The following ITSN2 variants were observed in gnomAD, a reference collection of about 807,000 sequenced individuals.
The protein encoded by ITSN2 is intersectin-2.
In ITSN2, 156 loss-of-function variants were observed where a neutral mutation model predicts 243.7. That is an observed-to-expected ratio of 0.64 (90% CI 0.56 to 0.73). The LOEUF is 0.73. Among genes scored for constraint, ITSN2 ranks in the 30% least tolerant of loss-of-function variants. The pLI, the probability that ITSN2 is intolerant of heterozygous loss-of-function variation, is 0.00. For synonymous variants in ITSN2, 703 were observed against 699.9 expected (o/e 1.00, Z -0.07); for missense variants, 1,801 against 1,996.1 (o/e 0.90, Z 1.86).
chr2:24,303,451 C>T (rs1369776448), intron 9 of ITSN2, among the ~76,000 whole-genome samples: 1 of 152,146 alleles, frequency 6.6e-6, no homozygotes, highest in Non-Finnish European at 1.5e-5. Context: ...ATATAAATAT[C>T]TTTCTGTACA....
chr2:24,255,867 T>C (rs1401032681), intron 23 of ITSN2, among the ~76,000 whole-genome samples: 2 of 152,076 alleles, frequency 1.3e-5, no homozygotes. Context: ...CTGACCAACA[T>C]GGAGAAACCC....
chr2:24,286,125 A>G, intron 16 of ITSN2, 87 bp downstream of exon 16: 1 of 731,742 alleles, frequency 1.4e-6, no homozygotes, highest in South Asian at 2.0e-5. Flanking sequence ...AATACATATA[A>G]TAGCTTTAGC....
intron 18 of ITSN2, 124 bp from the exon 19 acceptor site, chr2:24,272,065 G>A (rs1240374035): frequency 5.7e-6 from 4 of 699,392 alleles, no homozygotes; most frequent in African/African-American, 1.8e-5. Flanking sequence ...TACAGGGGTG[G>A]GGAGAAACTG....
At chr2:24,221,873 A>G (rs1363362442) in intron 29 of ITSN2, among the ~76,000 whole-genome samples, 2 of 152,248 alleles carry the variant, frequency 1.3e-5, no homozygotes, top group East Asian at 3.9e-4. Flanking sequence ...ACATAATTCC[A>G]GAGTCACTTA....
Position 24,286,255 on chromosome 2 carries a change from G to T in ITSN2, c.1820C>A (p.Ala607Glu), listed in dbSNP as rs764027494. The part of the protein sequence containing the change: ...EQLDALEKET[A>E]SKLSEMDSFN... ...AGAATCCATTTCTGACAGCTTAGAT[G>T]CAGTTTCTTTTTCAAGAGCATCTAA... Residue 607 changes from alanine to glutamate, a missense_variant, in exon 16 of 40, where the codon GCA (alanine) becomes GAA (glutamate). Transcript: ENST00000355123. 25 of 1,602,806 alleles carry T rather than the reference G, an allele frequency of 1.6e-5. No homozygotes were observed. The highest frequency in any genetic ancestry group is 1.3e-5 in the African/African-American group (1 of 74,586).
intron 29 of ITSN2, among the ~76,000 whole-genome samples, chr2:24,229,355 G>A (rs1342843115): frequency 6.6e-6 from 1 of 152,124 alleles, no homozygotes; most frequent in Non-Finnish European, 1.5e-5. Flanking sequence ...TTGGGAGGTC[G>A]AGGTGGGCAG....
chr2:24,210,736 C>A, intron 34 of ITSN2, 44 bp downstream of exon 34: 1 of 1,583,706 alleles, frequency 6.3e-7, no homozygotes, highest in Non-Finnish European at 8.6e-7. Flanking sequence ...GTTCCCCACC[C>A]AGAGCCTCCC....
intron 1 of ITSN2, among the ~76,000 whole-genome samples, chr2:24,337,719 C>A (rs1402266169): frequency 1.4e-5 from 2 of 142,232 alleles, no homozygotes; most frequent in African/African-American, 5.2e-5. Flanking sequence ...AACTCCTGAT[C>A]TCAAGAGATC....
At chr2:24,305,318 G>A (rs181171282) in intron 8 of ITSN2, among the ~76,000 whole-genome samples, 146 of 152,194 alleles carry the variant, frequency 9.6e-4, no homozygotes, top group African/African-American at 3.4e-3. Flanking sequence ...AAACAGACCA[G>A]TGGACAGGCG....
intron 14 of ITSN2, among the ~76,000 whole-genome samples, chr2:24,294,479 C>T (rs1289586651): frequency 1.3e-5 from 2 of 152,072 alleles, no homozygotes; most frequent in East Asian, 1.9e-4. Flanking sequence ...ATATTTTTGG[C>T]TTTTGTTTAT....
chr2:24,208,153 T>TATCA (rs1411466460), intron 37 of ITSN2, 84 bp downstream of exon 37: 1 of 1,170,100 alleles, frequency 8.5e-7, no homozygotes, highest in African/African-American at 1.5e-5. Flanking sequence ...CCCGTCCCTA[T>TATCA]ATCATCAGCC....
At chr2:24,352,054 C>A (rs1171999289) in intron 1 of ITSN2, among the ~76,000 whole-genome samples, 1 of 152,108 alleles carries the variant, frequency 6.6e-6, no homozygotes, top group Non-Finnish European at 1.5e-5. Context: ...TATTATTAAT[C>A]TCTTACTGTG....
intron 23 of ITSN2, among the ~76,000 whole-genome samples, chr2:24,256,068 A>C (rs928325002): frequency 3.9e-5 from 6 of 152,026 alleles, no homozygotes; most frequent in Admixed American, 6.6e-5. Flanking sequence ...ACAAAAAAAA[A>C]CAAAAATTAG....
chr2:24,253,614 T>A (rs1674638837), intron 24 of ITSN2, among the ~76,000 whole-genome samples: 1 of 152,262 alleles, frequency 6.6e-6, no homozygotes, highest in African/African-American at 2.4e-5. Context: ...TTTTGTTCGC[T>A]CATTAAAGAA....
chr2:24,330,725 T>A (rs1246657954), intron 1 of ITSN2: 1 of 613,202 alleles, frequency 1.6e-6, no homozygotes, highest in African/African-American at 1.9e-5. Context: ...TAGTTTGAAA[T>A]ACTATTTTTT....
At chr2:24,360,060 A>G (rs2551151) in intron 1 of ITSN2, among the ~76,000 whole-genome samples, 10,821 of 152,052 alleles carry the variant, frequency 0.071, 412 homozygotes, top group Middle Eastern at 0.11. Flanking sequence ...AGCCCAGCCC[A>G]GGCCCCCTCG....
chr2:24,251,328 A>ATATAT (rs1553355947), intron 25 of ITSN2, among the ~76,000 whole-genome samples: 1 of 6,980 alleles, frequency 1.4e-4, no homozygotes, highest in Non-Finnish European at 3.2e-4. Context: ...AAAAAAATAA[A>ATATAT]ATATATATAT....
rs1376566522 is a variant in ITSN2, at chr2:24,334,572, T to C, written c.-33-6457A>G. 53 of 980,100 alleles carry C rather than the reference T, an allele frequency of 5.4e-5. No individual in the cohort carries two copies. The Middle Eastern group carries it at 2.6e-3, about 48-fold the overall frequency. The allele number at this position is 980,100 out of a possible 1,614,324, so 60.7% of individuals were successfully genotyped here. A position where few individuals can be genotyped will look rare whatever the true frequency, so the allele number is the denominator to read the frequency against. Reference sequence around the variant, plus strand: ...TAAGAAGTGTGGCAAGCACCAACCCTGCAAAGTGACACAGTACAAGAAGGG... The same window carrying C: ...TAAGAAGTGTGGCAAGCACCAACCCCGCAAAGTGACACAGTACAAGAAGGG... On this transcript the variant is annotated intron_variant, in intron 1 of 39. Transcript: ENST00000355123.
At chr2:24,221,228 A>G (rs1670422253) in intron 29 of ITSN2, 162 bp from the exon 30 acceptor site, 1 of 667,948 alleles carries the variant, frequency 1.5e-6, no homozygotes, top group Non-Finnish European at 2.4e-6. Context: ...GCGTACGCGG[A>G]GAGTTGGCAT....
Sources: allele counts gnomAD v4.1 joint callset (sites outside exome capture counted in the v4.1 genomes callset), GRCh38; gene constraint gnomAD v4.1.1; transcripts MANE v1.5; gene names NCBI Gene and HGNC (gene_info 2026-07-23, HGNC 2026-07-21).